The following CSMD3 variants were observed in gnomAD, a reference collection of about 807,000 sequenced individuals.
The protein encoded by CSMD3 is CUB and Sushi multiple domains 3, also known as CUB and sushi domain-containing protein 3.
In CSMD3, 177 loss-of-function variants were observed where a neutral mutation model predicts 435.2. The ratio of observed to expected loss-of-function variants is 0.41; its 90% confidence interval spans 0.36 to 0.46. The LOEUF is 0.46. CSMD3 is among the 20% of genes least tolerant of loss of function. The pLI is 0.34. For synonymous variants in CSMD3, 1,656 were observed against 1,520.5 expected (o/e 1.09, Z -2.07); for missense variants, 4,265 against 4,504.6 (o/e 0.95, Z 1.52).
chr8:112,373,209 C>CT (rs1828610231), intron 38 of CSMD3, among the ~76,000 whole-genome samples: 1 of 151,554 alleles, frequency 6.6e-6, no homozygotes, highest in Admixed American at 6.6e-5. Flanking sequence ...AAACACTATC[C>CT]TTTTTTATAG....
At chr8:113,430,370 A>T (rs990948938) in intron 1 of CSMD3, among the ~76,000 whole-genome samples, 3 of 149,102 alleles carry the variant, frequency 2.0e-5, no homozygotes, top group African/African-American at 7.4e-5. Context: ...ATTGTCATGT[A>T]TTTTTTTTTT....
At chr8:112,375,460 C>T (rs1172994681) in intron 38 of CSMD3, among the ~76,000 whole-genome samples, 3 of 151,988 alleles carry the variant, frequency 2.0e-5, no homozygotes, top group African/African-American at 4.8e-5. Flanking sequence ...TTTAATGTGA[C>T]TAGTTATTGA....
chr8:112,279,123 A>C (rs1467164391), intron 59 of CSMD3, among the ~76,000 whole-genome samples: 1 of 152,218 alleles, frequency 6.6e-6, no homozygotes, highest in African/African-American at 2.4e-5. Context: ...CTCAATTGAA[A>C]ATACAAATTT....
intron 13 of CSMD3, among the ~76,000 whole-genome samples, chr8:112,781,407 T>C (rs1053425212): frequency 1.3e-5 from 2 of 152,018 alleles, no homozygotes; most frequent in Admixed American, 6.6e-5. Context: ...TCAGCTACAG[T>C]AAAATAAGGC....
chr8:112,428,283 G>A (rs1338062018), intron 32 of CSMD3, among the ~76,000 whole-genome samples: 1 of 152,026 alleles, frequency 6.6e-6, no homozygotes, highest in South Asian at 2.1e-4. Context: ...CTAAAACAGA[G>A]TATACAAATG....
chr8:112,906,729 C>T (rs2082274151), intron 10 of CSMD3, among the ~76,000 whole-genome samples: 1 of 151,486 alleles, frequency 6.6e-6, no homozygotes, highest in South Asian at 2.1e-4. Flanking sequence ...TTCCATATTG[C>T]TCAATATTCC....
intron 3 of CSMD3, among the ~76,000 whole-genome samples, chr8:113,192,443 C>T (rs1291711682): frequency 4.0e-5 from 6 of 151,502 alleles, no homozygotes; most frequent in Non-Finnish European, 8.9e-5. Flanking sequence ...TTGTCCTCTG[C>T]TTTATAAAAA....
intron 27 of CSMD3, among the ~76,000 whole-genome samples, chr8:112,536,656 A>G (rs1489983059): frequency 2.0e-5 from 3 of 151,868 alleles, no homozygotes; most frequent in Admixed American, 6.6e-5. Flanking sequence ...TGACCCAGCC[A>G]TCCCATTACT....
chr8:112,334,070 A>G (rs369974540), intron 45 of CSMD3, among the ~76,000 whole-genome samples: 147 of 152,300 alleles, frequency 9.7e-4, no homozygotes, highest in Non-Finnish European at 1.6e-3. Context: ...TTTAAAAAAA[A>G]CAGCCGGAAT....
At chr8:112,658,691 C>T (rs1050166287) in intron 17 of CSMD3, among the ~76,000 whole-genome samples, 4 of 152,136 alleles carry the variant, frequency 2.6e-5, no homozygotes, top group African/African-American at 9.7e-5. Flanking sequence ...GGCACAGTGG[C>T]TTTTGCCTAT....
intron 3 of CSMD3, among the ~76,000 whole-genome samples, chr8:113,243,161 C>T (rs10447988): frequency 0.37 from 55,789 of 151,414 alleles, 11,106 homozygotes; most frequent in African/African-American, 0.52. Context: ...TATTAAGCTC[C>T]ACTTAAAACT....
chr8:113,235,030 CAG>C (rs1024718860), intron 3 of CSMD3, among the ~76,000 whole-genome samples: 11 of 152,028 alleles, frequency 7.2e-5, no homozygotes, highest in African/African-American at 2.4e-4. Flanking sequence ...GACGTGTTGA[CAG>C]ATGTTTTTCA....
At chr8:112,265,611 G>C (rs1203271912) in intron 59 of CSMD3, 21 bp from the exon 60 acceptor site, 3 of 1,578,512 alleles carry the variant, frequency 1.9e-6, no homozygotes, top group African/African-American at 1.3e-5. Flanking sequence ...TGGATTAGAA[G>C]AGCAGATGGT....
chr8:112,976,152 T>G lies in CSMD3; in HGVS notation c.1031-4A>C. ...GTGTGGGTCAATGTAGAAGAACCTG[T>G]GGGACACAGTAGCACTAGATGCTAA... On this transcript the variant is annotated splice_region_variant and splice_polypyrimidine_tract_variant and intron_variant, in intron 6 of 70. Coordinates refer to ENST00000297405, the MANE Select transcript of CSMD3 (RefSeq NM_198123.2). 1 of 1,613,888 alleles carries G rather than the reference T, an allele frequency of 6.2e-7. No individual in the cohort carries two copies. Among genetic ancestry groups the G allele is most frequent in the Middle Eastern group, 1.7e-4 (1 of 6,054 alleles).
intron 45 of CSMD3, among the ~76,000 whole-genome samples, chr8:112,333,983 T>C: frequency 6.6e-6 from 1 of 152,226 alleles, no homozygotes; most frequent in East Asian, 1.9e-4. Flanking sequence ...ATAATTCTAT[T>C]GTTTCAGCCT....
chr8:113,098,555 A>G, intron 5 of CSMD3: 1 of 580,052 alleles, frequency 1.7e-6, no homozygotes, highest in Non-Finnish European at 3.1e-6. Flanking sequence ...ATTTGTTTAT[A>G]CAAGTTTTGA....
chr8:112,909,644 G>C (rs754451094), intron 10 of CSMD3, among the ~76,000 whole-genome samples: 2 of 151,670 alleles, frequency 1.3e-5, no homozygotes, highest in African/African-American at 2.4e-5. Flanking sequence ...CATTTGTCGT[G>C]TCTTATTTCC....
chr8:112,802,656 C>G (rs2078986652), intron 12 of CSMD3, among the ~76,000 whole-genome samples: 1 of 151,900 alleles, frequency 6.6e-6, no homozygotes, highest in South Asian at 2.1e-4. Context: ...TATTTTTAAT[C>G]ACATTTCCCC....
chr8:112,496,009 G>C (rs1318565515), intron 30 of CSMD3, among the ~76,000 whole-genome samples: 2 of 151,870 alleles, frequency 1.3e-5, no homozygotes, highest in East Asian at 1.9e-4. Context: ...TTTTTTTGTA[G>C]CCCAGGCTGG....
Sources: allele counts gnomAD v4.1 joint callset (sites outside exome capture counted in the v4.1 genomes callset), GRCh38; gene constraint gnomAD v4.1.1; transcripts MANE v1.5; gene names NCBI Gene and HGNC (gene_info 2026-07-23, HGNC 2026-07-21).